OTUD7A: variants seen among roughly 807,000 people sequenced by gnomAD.
The protein encoded by OTUD7A is OTU domain-containing protein 7A.
Under a neutral mutation model 65.7 loss-of-function variants are expected in OTUD7A, and 12 were observed. The observed-to-expected ratio is 0.18, with a 90% CI of 0.12 to 0.30. OTUD7A has a LOEUF of 0.30. Ranked by LOEUF, OTUD7A falls within the 10% of genes least tolerant of loss-of-function variation. OTUD7A has a pLI of 1.00. For missense variants in OTUD7A, 1,148 were observed against 1,304.8 expected (o/e 0.88, Z 1.85); for synonymous variants, 641 against 586.3 (o/e 1.09, Z -1.35).
chr15:31,617,755 CTTT>C (rs1566945682), intron 3 of OTUD7A, among the ~76,000 whole-genome samples: 1 of 151,820 alleles, frequency 6.6e-6, no homozygotes, highest in Non-Finnish European at 1.5e-5. Flanking sequence ...ATTTGATTTC[CTTT>C]TTTATTTTTA....
At chr15:31,832,154 C>T (rs1355992034) in intron 1 of OTUD7A, among the ~76,000 whole-genome samples, 1 of 152,162 alleles carries the variant, frequency 6.6e-6, no homozygotes, top group Non-Finnish European at 1.5e-5. Flanking sequence ...TTGCAGGGAG[C>T]CCTTACCTCC....
At chr15:31,493,014 T>C (rs570980050) in intron 10 of OTUD7A, among the ~76,000 whole-genome samples, 2 of 152,222 alleles carry the variant, frequency 1.3e-5, no homozygotes, top group East Asian at 1.9e-4. Context: ...GAGACCAGCC[T>C]GGCCAACATG....
intron 1 of OTUD7A, among the ~76,000 whole-genome samples, chr15:31,833,358 G>A (rs901296480): frequency 6.6e-6 from 1 of 152,224 alleles, no homozygotes; most frequent in Non-Finnish European, 1.5e-5. Context: ...ATGCAAGCAT[G>A]TGTATAATTT....
chr15:31,495,949 C>G (rs183724417), intron 10 of OTUD7A, among the ~76,000 whole-genome samples: 1 of 151,702 alleles, frequency 6.6e-6, no homozygotes, highest in African/African-American at 2.4e-5. Flanking sequence ...GCCTGTAGTC[C>G]CACCTACTCG....
intron 1 of OTUD7A, among the ~76,000 whole-genome samples, chr15:31,869,321 T>C (rs1897961936): frequency 6.6e-6 from 1 of 152,200 alleles, no homozygotes; most frequent in Admixed American, 6.5e-5. Context: ...CCTCCCCGCC[T>C]TCGCCCAGGG....
chr15:31,784,873 GTTT>G (rs1331168355), intron 1 of OTUD7A, among the ~76,000 whole-genome samples: 2 of 152,178 alleles, frequency 1.3e-5, no homozygotes, highest in African/African-American at 4.8e-5. Context: ...TCTCCTGAGT[GTTT>G]TATTGAGAAA....
At chr15:31,541,374 G>A (rs1887983280) in intron 5 of OTUD7A, among the ~76,000 whole-genome samples, 1 of 152,094 alleles carries the variant, frequency 6.6e-6, no homozygotes, top group African/African-American at 2.4e-5. Flanking sequence ...TTTTACTTTT[G>A]TTAGTTACTC....
intron 1 of OTUD7A, among the ~76,000 whole-genome samples, chr15:31,865,212 C>T (rs1897847374): frequency 1.3e-5 from 2 of 152,246 alleles, no homozygotes; most frequent in Non-Finnish European, 2.9e-5. Flanking sequence ...CTATGTACCT[C>T]TTGGATGTCA....
chr15:31,734,046 T>C (rs547224430), intron 1 of OTUD7A, among the ~76,000 whole-genome samples: 6 of 152,104 alleles, frequency 3.9e-5, no homozygotes, highest in African/African-American at 1.4e-4. Context: ...TTTCGGGGAA[T>C]TGGATACAAT....
chr15:31,823,683 G>A (rs1308116278), intron 1 of OTUD7A, among the ~76,000 whole-genome samples: 4 of 152,152 alleles, frequency 2.6e-5, no homozygotes, highest in South Asian at 2.1e-4. Context: ...TCTTGGCTGT[G>A]AACTTCATTT....
chr15:31,732,441 A>T (rs559833863), intron 1 of OTUD7A, among the ~76,000 whole-genome samples: 1 of 152,344 alleles, frequency 6.6e-6, no homozygotes, highest in South Asian at 2.1e-4. Context: ...CTTCATATTT[A>T]TATCAAGGAG....
chr15:31,643,876 C>T (rs1891588568), intron 3 of OTUD7A, among the ~76,000 whole-genome samples: 1 of 152,182 alleles, frequency 6.6e-6, no homozygotes, highest in African/African-American at 2.4e-5. Context: ...TCCCTTCTAA[C>T]AAAAAGCAGC....
At chr15:31,638,660 G>A (rs776673204) in intron 3 of OTUD7A, among the ~76,000 whole-genome samples, 3 of 151,640 alleles carry the variant, frequency 2.0e-5, no homozygotes, top group Non-Finnish European at 2.9e-5. Flanking sequence ...CTCTCAAAGT[G>A]CTGGGACTAC....
At chr15:31,578,718 C>T (rs1478770976) in intron 3 of OTUD7A, among the ~76,000 whole-genome samples, 1 of 152,120 alleles carries the variant, frequency 6.6e-6, no homozygotes. Flanking sequence ...CGCCCAGCTA[C>T]TTTTTGTATT....
intron 3 of OTUD7A, among the ~76,000 whole-genome samples, chr15:31,577,492 GACGTCCC>G (rs1595623763): frequency 2.0e-5 from 3 of 152,264 alleles, no homozygotes; most frequent in African/African-American, 7.2e-5. Flanking sequence ...GCATCTTTGA[GACGTCCC>G]ACCTTTTTAA....
intron 1 of OTUD7A, among the ~76,000 whole-genome samples, chr15:31,845,419 C>T (rs977679241): frequency 6.6e-6 from 1 of 152,242 alleles, no homozygotes; most frequent in Non-Finnish European, 1.5e-5. Context: ...ACATCAGAAA[C>T]CACGCGGGTA....
chr15:31,817,551 C>A (rs116749336), intron 1 of OTUD7A, among the ~76,000 whole-genome samples: 9 of 152,234 alleles, frequency 5.9e-5, no homozygotes, highest in Non-Finnish European at 8.8e-5. Context: ...CTTTGAAAAA[C>A]CCAAGGCTTT....
chr15:31,855,729 G>T (rs1258885009), intron 1 of OTUD7A, among the ~76,000 whole-genome samples: 1 of 152,220 alleles, frequency 6.6e-6, no homozygotes, highest in Non-Finnish European at 1.5e-5. Flanking sequence ...GCACTAATAT[G>T]CAAATTTAGT....
chr15:31,542,151 C>T (rs1200661236), intron 5 of OTUD7A, among the ~76,000 whole-genome samples: 2 of 152,080 alleles, frequency 1.3e-5, no homozygotes, highest in Non-Finnish European at 1.5e-5. Flanking sequence ...ACATCCTGCT[C>T]ACAACCCAAA....
Sources: allele counts gnomAD v4.1 joint callset (sites outside exome capture counted in the v4.1 genomes callset), GRCh38; gene constraint gnomAD v4.1.1; transcripts MANE v1.5; gene names NCBI Gene and HGNC (gene_info 2026-07-23, HGNC 2026-07-21).